BBIP1: variants seen among roughly 807,000 people sequenced by gnomAD.
The protein encoded by BBIP1 is BBSome-interacting protein 1.
In BBIP1, 6 loss-of-function variants were observed where a neutral mutation model predicts 8.9. That is an observed-to-expected ratio of 0.67 (90% CI 0.37 to 1.33). The LOEUF (loss-of-function observed/expected upper bound fraction) is 1.33. Ranked by LOEUF, BBIP1 falls within the 40% of genes most tolerant of loss-of-function variation. The pLI is 0.02. For missense variants in BBIP1, 111 were observed against 109.2 expected, an observed-to-expected ratio of 1.02 and a Z score of -0.07; for synonymous variants, 32 against 33.4, an observed-to-expected ratio of 0.96 and a Z score of 0.14.
intron 2 of BBIP1, among the ~76,000 whole-genome samples, chr10:110,910,257 T>TA (rs766930880): frequency 6.6e-6 from 1 of 151,754 alleles, no homozygotes; most frequent in African/African-American, 2.4e-5. Context: ...GAAGAAGCAT[T>TA]AAAAAAAAGT....
intron 2 of BBIP1, among the ~76,000 whole-genome samples, chr10:110,917,188 A>G (rs1461198147): frequency 3.7e-5 from 5 of 135,504 alleles, no homozygotes. Flanking sequence ...TTTTGACTGG[A>G]TCCTGATTTT....
intron 2 of BBIP1, chr10:110,910,498 G>A (rs1846250233): frequency 6.6e-6 from 1 of 152,214 alleles, no homozygotes; most frequent in Non-Finnish European, 1.5e-5. Context: ...AAGGAAAAAT[G>A]AGAAGAGACA....
intron 2 of BBIP1, among the ~76,000 whole-genome samples, chr10:110,917,075 G>C (rs919978714): frequency 6.6e-6 from 1 of 152,072 alleles, no homozygotes; most frequent in Non-Finnish European, 1.5e-5. Flanking sequence ...GAAAAAAGAG[G>C]GGCCCATTTC....
rs560119864 is a variant in BBIP1 at position 110,900,578 on chromosome 10, T to TGTA, written c.113-55_113-53dup. ...ATTCAAGAAAGATAACCCAGTTGTT[T>TGTA]GTAGTTGGATTTGCAGCTAGAATGA... is the stretch of plus-strand genomic sequence containing the variant. On this transcript the variant is annotated intron_variant, in intron 3 of 3. Coordinates refer to ENST00000448814, the MANE Select transcript of BBIP1 (RefSeq NM_001195305.3). The TGTA allele has an allele frequency of 1.0e-3, 1,422 of 1,395,092 alleles. 2 individuals carry two copies. Among genetic ancestry groups the TGTA allele is most frequent in the Admixed American group, 1.9e-3 (67 of 34,942 alleles). The allele number at this position is 1,395,092 out of a possible 1,614,324, so 86.4% of individuals were successfully genotyped here. A position where few individuals can be genotyped will look rare whatever the true frequency, so the allele number is the denominator to read the frequency against.
intron 2 of BBIP1, 142 bp from the exon 3 acceptor site, chr10:110,901,754 T>C (rs370408075): frequency 7.7e-6 from 5 of 649,026 alleles, no homozygotes; most frequent in African/African-American, 5.4e-5. Context: ...GCCATTAATT[T>C]CCTGTGACCT....
intron 2 of BBIP1, chr10:110,911,957 A>C (rs1394243370): frequency 6.6e-6 from 1 of 152,196 alleles, no homozygotes; most frequent in African/African-American, 2.4e-5. Context: ...CTGAAATGGG[A>C]AATTTTGAAG....
At chr10:110,903,782 A>G (rs1015326993) in intron 2 of BBIP1, 2 of 152,242 alleles carry the variant, frequency 1.3e-5, no homozygotes, top group African/African-American at 4.8e-5. Context: ...CCTAGGCTAT[A>G]TGGTAGAGTG....
At chr10:110,902,620 C>T (rs1453846370) in intron 2 of BBIP1, 2 of 152,220 alleles carry the variant, frequency 1.3e-5, no homozygotes, top group Non-Finnish European at 2.9e-5. Flanking sequence ...CTTTGACATT[C>T]CTAATAAAAG....
At position 110,898,901 on chromosome 10, in the gene BBIP1, A is replaced by G. The variant is rs933920544; in HGVS notation, c.*1459T>C. 6.6e-6 allele frequency: 1 copy of G among 152,414 alleles called. No homozygotes were observed. The highest frequency in any genetic ancestry group is 2.4e-5 in the African/African-American group (1 of 41,446). 9.4% of individuals were successfully genotyped at this position (152,414 alleles called of 1,614,324 possible). A position where few individuals can be genotyped will look rare whatever the true frequency, so the allele number is the denominator to read the frequency against. On this transcript the variant is annotated 3_prime_UTR_variant, in exon 4 of 4. Coordinates refer to ENST00000448814, the MANE Select transcript of BBIP1 (RefSeq NM_001195305.3). ...TACAAAATTTTAAGTGAAAAATACA[A>G]TAGTAAATTAAGATTACACTGGGGA...
intron 2 of BBIP1, chr10:110,911,095 A>G (rs764513907): frequency 6.6e-6 from 1 of 152,234 alleles, no homozygotes; most frequent in Non-Finnish European, 1.5e-5. Context: ...CATTAAAGAT[A>G]TAATTCATAT....
chr10:110,918,543 G>A (rs1453559115), intron 1 of BBIP1, among the ~76,000 whole-genome samples: 1 of 152,246 alleles, frequency 6.6e-6, no homozygotes, highest in Non-Finnish European at 1.5e-5. Context: ...TACTTAATAG[G>A]AACTTGCGGA....
At chr10:110,914,641 A>T (rs1640926003) in intron 2 of BBIP1, among the ~76,000 whole-genome samples, 1 of 152,204 alleles carries the variant, frequency 6.6e-6, no homozygotes, top group African/African-American at 2.4e-5. Context: ...AGCAGATTCT[A>T]TTCTGCTTTG....
At chr10:110,915,991 A>C (rs1398001353) in intron 2 of BBIP1, among the ~76,000 whole-genome samples, 1 of 152,228 alleles carries the variant, frequency 6.6e-6, no homozygotes, top group Non-Finnish European at 1.5e-5. Flanking sequence ...GGTGTGAGCC[A>C]CACCTGGCAA....
rs1247299009 is a variant in BBIP1, at chr10:110,918,118, T to C, written c.37+3A>G. The C allele has an allele frequency of 6.5e-7, 1 of 1,535,632 alleles. No homozygotes were observed. Among genetic ancestry groups the C allele is most frequent in the Admixed American group, 2.0e-5 (1 of 51,006 alleles). On this transcript the variant is annotated splice_donor_region_variant and intron_variant, in intron 2 of 3. Coordinates refer to ENST00000448814, the MANE Select transcript of BBIP1 (RefSeq NM_001195305.3). ...GCTGGATATTAACCATTTTCAATTT[T>C]ACCTGAAAGTTCTGGTCTTTTTGCT...
At chr10:110,913,660 A>G (rs1035511936) in intron 2 of BBIP1, among the ~76,000 whole-genome samples, 2 of 152,258 alleles carry the variant, frequency 1.3e-5, no homozygotes, top group African/African-American at 4.8e-5. Context: ...CTTGTTGTCT[A>G]AATTTTAATC....
chr10:110,909,895 CAACA>C (rs765895656), intron 2 of BBIP1, among the ~76,000 whole-genome samples: 22 of 152,046 alleles, frequency 1.4e-4, no homozygotes, highest in Non-Finnish European at 2.4e-4. Context: ...TTTTTTCTTT[CAACA>C]AACATACTAA....
intron 2 of BBIP1, among the ~76,000 whole-genome samples, chr10:110,916,314 T>G (rs1846400185): frequency 6.6e-6 from 1 of 152,238 alleles, no homozygotes; most frequent in African/African-American, 2.4e-5. Flanking sequence ...CTTTCACTTA[T>G]CTTTCATGAT....
At position 110,918,139 on chromosome 10, in the gene BBIP1, T is replaced by C; in HGVS notation, c.19A>G (p.Lys7Glu). The C allele has an allele frequency of 1.3e-6, 2 of 1,536,074 alleles. No homozygotes were observed. The highest frequency in any genetic ancestry group is 1.7e-6 in the Non-Finnish European group (2 of 1,146,850). Residue 7 changes from lysine (K) to glutamate (E), a missense_variant, in exon 2 of 4, where the codon AAA becomes GAA. Coordinates refer to ENST00000448814, the MANE Select transcript of BBIP1 (RefSeq NM_001195305.3). ...ATTTTACCTGAAAGTTCTGGTCTTT[T>C]TGCTGCAGCTTTAAGCATCCAACCC... The part of the protein sequence containing the change: MLKAAA[K>E]RPELSGKNTI...
At chr10:110,906,953 G>A (rs1846158903) in intron 2 of BBIP1, 1 of 152,198 alleles carries the variant, frequency 6.6e-6, no homozygotes, top group Admixed American at 6.5e-5. Context: ...CAATCACGTA[G>A]TGACCTATCA....
Sources: allele counts gnomAD v4.1 joint callset (sites outside exome capture counted in the v4.1 genomes callset), GRCh38; gene constraint gnomAD v4.1.1; transcripts MANE v1.5; gene names NCBI Gene and HGNC (gene_info 2026-07-23, HGNC 2026-07-21).